The following DPP6 variants were observed in gnomAD, a reference collection of about 807,000 sequenced individuals.
The protein encoded by DPP6 is A-type potassium channel modulatory protein DPP6.
DPP6 carries 69 observed loss-of-function variants against 122.6 expected under a neutral mutation model. The observed-to-expected ratio is 0.56, with a 90% CI of 0.46 to 0.69. DPP6 has a LOEUF of 0.69. Among genes scored for constraint, DPP6 ranks in the 30% least tolerant of loss-of-function variants. The pLI, the probability that DPP6 is intolerant of heterozygous loss-of-function variation, is 0.00. For synonymous variants in DPP6, 418 were observed against 433.1 expected, an observed-to-expected ratio of 0.97 and a Z score of 0.43; for missense variants, 928 against 1,116.9, an observed-to-expected ratio of 0.83 and a Z score of 2.41.
intron 1 of DPP6, among the ~76,000 whole-genome samples, chr7:154,087,651 C>T (rs1804521314): frequency 6.6e-6 from 1 of 152,162 alleles, no homozygotes; most frequent in Admixed American, 6.5e-5. Flanking sequence ...AATGAAGGCT[C>T]TTAGTTTAAA....
At chr7:154,045,203 A>AG in intron 1 of DPP6, among the ~76,000 whole-genome samples, 1 of 150,642 alleles carries the variant, frequency 6.6e-6, no homozygotes, top group East Asian at 1.9e-4. Context: ...AGAAAAGATA[A>AG]AAAAAAAAAA....
At chr7:154,518,507 G>A (rs1244974790) in intron 3 of DPP6, among the ~76,000 whole-genome samples, 1 of 152,202 alleles carries the variant, frequency 6.6e-6, no homozygotes, top group Non-Finnish European at 1.5e-5. Context: ...TTGCCCTGCT[G>A]TGATTATTAA....
At chr7:154,686,450 G>A (rs1192465887) in intron 7 of DPP6, among the ~76,000 whole-genome samples, 4 of 151,090 alleles carry the variant, frequency 2.6e-5, no homozygotes. Flanking sequence ...GAAGCTGGAT[G>A]TCTCCCGATA....
intron 7 of DPP6, among the ~76,000 whole-genome samples, chr7:154,693,247 T>A (rs1267037919): frequency 6.6e-6 from 1 of 152,182 alleles, no homozygotes; most frequent in African/African-American, 2.4e-5. Flanking sequence ...TGCTAGTTTC[T>A]AACAAGGGGA....
At chr7:154,231,811 C>T (rs998239684) in intron 1 of DPP6, among the ~76,000 whole-genome samples, 12 of 152,204 alleles carry the variant, frequency 7.9e-5, no homozygotes, top group Non-Finnish European at 1.5e-4. Context: ...GCTTCCCCCA[C>T]GTGCTTCTCT....
chr7:154,858,918 C>T (rs1323099033), intron 17 of DPP6, among the ~76,000 whole-genome samples: 1 of 152,192 alleles, frequency 6.6e-6, no homozygotes, highest in Non-Finnish European at 1.5e-5. Flanking sequence ...TTGTACCAAC[C>T]CTATGAGGTT....
rs141372191 is a variant in DPP6 at position 154,621,206 on chromosome 7, C to T, written c.628-16615C>T. ...TGGTTTTAGCTTCTACTGGCAACTACGACATGATTTGGAAGCCTGCTAAGA... is the reference window on the plus strand; with the variant it reads ...TGGTTTTAGCTTCTACTGGCAACTATGACATGATTTGGAAGCCTGCTAAGA... On this transcript the variant is annotated intron_variant, in intron 5 of 25. Transcript: ENST00000377770. Among the ~76,000 whole-genome samples the T allele has an allele frequency of 1.3e-4, 20 of 152,154 alleles. No individual in the cohort carries two copies. In the East Asian group the frequency reaches 1.7e-3, roughly 13 times the overall value.
chr7:154,349,919 G>C (rs1177575022), intron 1 of DPP6, among the ~76,000 whole-genome samples: 1 of 152,178 alleles, frequency 6.6e-6, no homozygotes, highest in Non-Finnish European at 1.5e-5. Context: ...TTTCACATGG[G>C]TAATCCTTTG....
Position 154,760,048 on chromosome 7 carries a change from A to G in DPP6, c.884-9369A>G, listed in dbSNP as rs1795434207. Among the ~76,000 whole-genome samples, 1 of 152,182 alleles carries G rather than the reference A, an allele frequency of 6.6e-6. No homozygotes were observed. The highest frequency in any genetic ancestry group is 1.5e-5 in the Non-Finnish European group (1 of 68,022). ...CGAGGCAGAAGAATCACTTGAACCC[A>G]GCAGGCAGAGGTTGCAGTGAGCAGA... On this transcript the variant is annotated intron_variant, in intron 8 of 25. Transcript: ENST00000377770. This position sits in a 1 kb window ranked among gnomAD's most constrained non-coding sequence, Gnocchi z 4.5.
At chr7:154,276,977 A>G (rs1303729172) in intron 1 of DPP6, among the ~76,000 whole-genome samples, 3 of 152,160 alleles carry the variant, frequency 2.0e-5, no homozygotes, top group Non-Finnish European at 4.4e-5. Flanking sequence ...TGGGAACCCT[A>G]CACAGCACTT....
At chr7:154,220,139 T>C (rs1037376123) in intron 1 of DPP6, among the ~76,000 whole-genome samples, 1 of 152,190 alleles carries the variant, frequency 6.6e-6, no homozygotes, top group Non-Finnish European at 1.5e-5. Context: ...ACTTAAACCC[T>C]AATGTGATAG....
the DPP6 span, among the ~76,000 whole-genome samples, chr7:153,803,838 TAC>T: frequency 1.7e-4 from 25 of 145,068 alleles, no homozygotes; most frequent in Middle Eastern, 3.4e-3. Flanking sequence ...TGTGTATGTG[TAC>T]ATACACACAC....
At chr7:153,926,083 G>C (rs1197977429) in intron 1 of DPP6, among the ~76,000 whole-genome samples, 1 of 152,110 alleles carries the variant, frequency 6.6e-6, no homozygotes, top group East Asian at 1.9e-4. Context: ...TGAACTCAGA[G>C]ATCTGTTCAT....
the DPP6 span, among the ~76,000 whole-genome samples, chr7:153,780,397 T>G: frequency 6.6e-6 from 1 of 152,170 alleles, no homozygotes; most frequent in African/African-American, 2.4e-5. Flanking sequence ...CCCAGAATTA[T>G]TTAGCTATGA....
At chr7:154,267,384 TC>T (rs1803489971) in intron 1 of DPP6, among the ~76,000 whole-genome samples, 1 of 147,550 alleles carries the variant, frequency 6.8e-6, no homozygotes, top group Admixed American at 6.8e-5. Context: ...TATATATTTA[TC>T]CCTTATATAT....
intron 8 of DPP6, among the ~76,000 whole-genome samples, chr7:154,739,018 A>T (rs562169291): frequency 1.2e-4 from 18 of 152,358 alleles, no homozygotes; most frequent in African/African-American, 4.1e-4. Flanking sequence ...CGGTCACTCA[A>T]GGTCCCAGGC....
chr7:153,803,854 C>CACAT, the DPP6 span, among the ~76,000 whole-genome samples: 196 of 151,020 alleles, frequency 1.3e-3, 1 homozygote, highest in African/African-American at 4.7e-3. Context: ...CACACACACA[C>CACAT]ATATATATAT....
Position 154,439,229 on chromosome 7 carries a change from C to T in DPP6, c.244-6985C>T, listed in dbSNP as rs574525077. On this transcript the variant is annotated intron_variant, in intron 1 of 25. Transcript: ENST00000377770. ...CAGTATAGAAAACTCATCTCAAAATCGCCTGTGGGTTTCAGAGAGTCTATG... is the reference window on the plus strand; with the variant it reads ...CAGTATAGAAAACTCATCTCAAAATTGCCTGTGGGTTTCAGAGAGTCTATG... Among the ~76,000 whole-genome samples the T allele has an allele frequency of 1.1e-4, 16 of 152,286 alleles. No homozygotes were observed. In the South Asian group the frequency reaches 2.5e-3, roughly 24 times the overall value.
intron 4 of DPP6, among the ~76,000 whole-genome samples, chr7:154,564,955 TAC>T (rs1461391931): frequency 6.6e-6 from 1 of 152,214 alleles, no homozygotes; most frequent in Non-Finnish European, 1.5e-5. Context: ...GTTTGTAACT[TAC>T]ACTGGTGATC....
Sources: allele counts gnomAD v4.1 joint callset (sites outside exome capture counted in the v4.1 genomes callset), GRCh38; gene constraint gnomAD v4.1.1; non-coding constraint Gnocchi (gnomAD v3.1); transcripts MANE v1.5; gene names NCBI Gene and HGNC (gene_info 2026-07-23, HGNC 2026-07-21).